EXOC6B: variants seen among roughly 807,000 people sequenced by gnomAD.
The protein encoded by EXOC6B is SEC15 homolog B.
Under a neutral mutation model 113.5 loss-of-function variants are expected in EXOC6B, and 54 were observed. The ratio of observed to expected loss-of-function variants is 0.48; its 90% CI spans 0.38 to 0.60. The LOEUF (loss-of-function observed/expected upper bound fraction) is 0.60. EXOC6B is among the 20% of genes least tolerant of loss of function. The pLI, the probability that EXOC6B is intolerant of heterozygous loss-of-function variation, is 0.00. For missense variants in EXOC6B, 797 were observed against 977.5 expected (o/e 0.82, Z 2.46); for synonymous variants, 357 against 339.0 (o/e 1.05, Z -0.58).
At chr2:72,787,956 T>C (rs1360307670) in intron 1 of EXOC6B, among the ~76,000 whole-genome samples, 1 of 152,198 alleles carries the variant, frequency 6.6e-6, no homozygotes, top group Non-Finnish European at 1.5e-5. Context: ...ATAAAAGACT[T>C]TTTTTAATAC....
chr2:72,423,612 A>G (rs1349720257), intron 18 of EXOC6B, among the ~76,000 whole-genome samples: 2 of 152,200 alleles, frequency 1.3e-5, no homozygotes, highest in African/African-American at 4.8e-5. Context: ...ATGCTTTTAC[A>G]TAACTGCTTT....
chr2:72,358,836 C>A (rs1187389739), intron 19 of EXOC6B, among the ~76,000 whole-genome samples: 2 of 152,138 alleles, frequency 1.3e-5, no homozygotes, highest in Non-Finnish European at 2.9e-5. Context: ...ACAACCACAT[C>A]CTAGTTTTCT....
At position 72,606,287 on chromosome 2, in the gene EXOC6B, C is replaced by T. The variant is rs536869285; in HGVS notation, c.670-30619G>A. Among the ~76,000 whole-genome samples, 38 of 152,060 alleles carry T rather than the reference C, an allele frequency of 2.5e-4. 1 individual carries two copies. The highest frequency in any genetic ancestry group is 7.5e-4 in the African/African-American group (31 of 41,496). ...ATATTCAATGTACTGTTAAGATAAA[C>T]GGATTTTTATATACCACCACTGCAT... On this transcript the variant is annotated intron_variant, in intron 6 of 21. Transcript: ENST00000272427.
intron 20 of EXOC6B, among the ~76,000 whole-genome samples, chr2:72,322,472 T>C (rs137926293): frequency 1.3e-5 from 2 of 152,294 alleles, no homozygotes; most frequent in East Asian, 3.9e-4. Context: ...TTTGGCATGA[T>C]AGAAATGTTC....
intron 18 of EXOC6B, among the ~76,000 whole-genome samples, chr2:72,435,044 G>A (rs922009126): frequency 3.9e-5 from 6 of 152,090 alleles, no homozygotes; most frequent in South Asian, 2.1e-4. Context: ...TGGGCATTTC[G>A]TGCTATAAAT....
rs559516653 is a variant in EXOC6B, at chr2:72,312,007, C to T, written c.2196+22940G>A. 7.9e-5 allele frequency among the ~76,000 whole-genome samples: 12 copies of T among 152,282 alleles called. 1 individual carries two copies. The highest frequency in any genetic ancestry group is 7.2e-4 in the Admixed American group (11 of 15,304). On this transcript the variant is annotated intron_variant, in intron 20 of 21. Transcript: ENST00000272427. ...TACTTCCTGGTCTTGTCATCTTTAACGGTGCTGATACTTGGGGAGTGACCA... is the reference window on the plus strand; with the variant it reads ...TACTTCCTGGTCTTGTCATCTTTAATGGTGCTGATACTTGGGGAGTGACCA...
chr2:72,359,337 C>A (rs545270224), intron 19 of EXOC6B, among the ~76,000 whole-genome samples: 1 of 152,050 alleles, frequency 6.6e-6, no homozygotes, highest in Non-Finnish European at 1.5e-5. Context: ...ACTAGCTAGG[C>A]CCTTTTTGCC....
chr2:72,727,665 T>C (rs1386105803), intron 5 of EXOC6B, among the ~76,000 whole-genome samples: 1 of 152,174 alleles, frequency 6.6e-6, no homozygotes, highest in Non-Finnish European at 1.5e-5. Flanking sequence ...GGGATGACGG[T>C]GTGTCATGTT....
chr2:72,749,937 C>A (rs1471199242), intron 1 of EXOC6B, among the ~76,000 whole-genome samples: 1 of 151,566 alleles, frequency 6.6e-6, no homozygotes, highest in Non-Finnish European at 1.5e-5. Flanking sequence ...ATGTAAGTAA[C>A]CTCATTTGTA....
chr2:72,706,474 C>T (rs758272760), intron 6 of EXOC6B, among the ~76,000 whole-genome samples: 1 of 152,158 alleles, frequency 6.6e-6, no homozygotes, highest in Admixed American at 6.5e-5. Flanking sequence ...GGGCTCAAAG[C>T]GATCCTCCTG....
intron 7 of EXOC6B, among the ~76,000 whole-genome samples, chr2:72,563,336 T>C (rs1250161277): frequency 6.6e-6 from 1 of 152,156 alleles, no homozygotes; most frequent in Non-Finnish European, 1.5e-5. Context: ...ATCCACTAGA[T>C]ACCAATACAT....
At chr2:72,531,137 G>C (rs1701977568) in intron 8 of EXOC6B, among the ~76,000 whole-genome samples, 1 of 151,854 alleles carries the variant, frequency 6.6e-6, no homozygotes, top group African/African-American at 2.4e-5. Flanking sequence ...TTTGCTTTTA[G>C]TTTGCTTCCT....
intron 20 of EXOC6B, among the ~76,000 whole-genome samples, chr2:72,192,124 G>A (rs1678881387): frequency 6.6e-6 from 1 of 152,120 alleles, no homozygotes; most frequent in Non-Finnish European, 1.5e-5. Context: ...CTTGGGATAT[G>A]AGCCTCATCT....
intron 6 of EXOC6B, among the ~76,000 whole-genome samples, chr2:72,657,257 G>A (rs569211809): frequency 1.1e-3 from 132 of 122,570 alleles, no homozygotes; most frequent in African/African-American, 3.7e-3. Flanking sequence ...ATGGAGTCTC[G>A]CTCTGTTGGC....
chr2:72,816,224 C>G (rs1161237094), intron 1 of EXOC6B, among the ~76,000 whole-genome samples: 1 of 152,008 alleles, frequency 6.6e-6, no homozygotes, highest in Admixed American at 6.6e-5. Flanking sequence ...GCTATCCCTT[C>G]CTGCATTATT....
intron 20 of EXOC6B, among the ~76,000 whole-genome samples, chr2:72,278,295 C>T (rs1165332443): frequency 6.6e-6 from 1 of 152,192 alleles, no homozygotes; most frequent in Non-Finnish European, 1.5e-5. Flanking sequence ...TGACCTTCAA[C>T]AAGGTGACAA....
intron 5 of EXOC6B, among the ~76,000 whole-genome samples, chr2:72,728,764 G>C (rs1680465634): frequency 1.3e-5 from 2 of 152,036 alleles, no homozygotes; most frequent in South Asian, 4.2e-4. Context: ...TGGGAACCCA[G>C]GAAATATACA....
chr2:72,401,574 TATATATAC>T (rs1208452642), intron 18 of EXOC6B, among the ~76,000 whole-genome samples: 7 of 26,290 alleles, frequency 2.7e-4, no homozygotes, highest in South Asian at 1.7e-3. Context: ...TACATATATA[TATATATAC>T]ATATATATAT....
intron 6 of EXOC6B, among the ~76,000 whole-genome samples, chr2:72,643,040 A>C (rs958445031): frequency 3.3e-5 from 5 of 152,202 alleles, no homozygotes; most frequent in African/African-American, 9.7e-5. Flanking sequence ...CACCAGAGAA[A>C]TGCAAATCAA....
Sources: allele counts gnomAD v4.1 joint callset (sites outside exome capture counted in the v4.1 genomes callset), GRCh38; gene constraint gnomAD v4.1.1; transcripts MANE v1.5; gene names NCBI Gene and HGNC (gene_info 2026-07-23, HGNC 2026-07-21).